Variants in SLC38A12 observed in about 807,000 individuals in gnomAD.
SLC38A12 encodes the protein putative sodium-coupled neutral amino acid transporter 12.
the SLC38A12 span, among the ~76,000 whole-genome samples, chr17:74,814,914 A>G: frequency 6.6e-6 from 1 of 152,232 alleles, no homozygotes; most frequent in Non-Finnish European, 1.5e-5. Context: ...GTCAGGTGGT[A>G]TCAACTGTGT....
the SLC38A12 span, among the ~76,000 whole-genome samples, chr17:74,800,045 C>T: frequency 1.6e-4 from 24 of 152,324 alleles, no homozygotes; most frequent in East Asian, 4.3e-3. Flanking sequence ...GACTGAGAGA[C>T]GGGGGCTTCC....
chr17:74,799,265 C>G, the SLC38A12 span, among the ~76,000 whole-genome samples: 26 of 152,256 alleles, frequency 1.7e-4, no homozygotes, highest in African/African-American at 5.5e-4. Context: ...ACAGATGCTG[C>G]TGGGTCGCAG....
chr17:74,795,671 G>A, the SLC38A12 span: 12 of 1,525,442 alleles, frequency 7.9e-6, no homozygotes, highest in African/African-American at 1.5e-4. Context: ...CCCCAGCCCA[G>A]CCTGCACAGC....
chr17:74,813,869 A>G, the SLC38A12 span, among the ~76,000 whole-genome samples: 8 of 152,126 alleles, frequency 5.3e-5, no homozygotes, highest in African/African-American at 1.9e-4. Context: ...GGGAACTGAG[A>G]TGGAACTATG....
chr17:74,792,041 G>T, the SLC38A12 span, among the ~76,000 whole-genome samples: 1 of 152,130 alleles, frequency 6.6e-6, no homozygotes, highest in East Asian at 1.9e-4. Context: ...AGCTACTCGG[G>T]AGGCTGAGGC....
the SLC38A12 span, chr17:74,795,727 C>T: frequency 1.0e-6 from 1 of 960,352 alleles, no homozygotes; most frequent in Non-Finnish European, 1.6e-6. Flanking sequence ...ATCCTTTCCC[C>T]AGAGAGGAGG....
the SLC38A12 span, among the ~76,000 whole-genome samples, chr17:74,789,508 C>T: frequency 7.6e-6 from 1 of 131,358 alleles, no homozygotes; most frequent in South Asian, 2.4e-4. Context: ...CCATCCTGGG[C>T]AACAGACTGA....
At chr17:74,780,778 T>C in the SLC38A12 span, among the ~76,000 whole-genome samples, 2 of 152,182 alleles carry the variant, frequency 1.3e-5, no homozygotes, top group Non-Finnish European at 2.9e-5. Flanking sequence ...GAGCCCCCAC[T>C]AAACACACAG....
chr17:74,794,963 T>C, the SLC38A12 span: 5 of 1,451,122 alleles, frequency 3.4e-6, no homozygotes, highest in Admixed American at 3.8e-5. Context: ...AAAAAAAACA[T>C]GCAGACATCT....
chr17:74,804,083 C>G, the SLC38A12 span, among the ~76,000 whole-genome samples: 1 of 152,220 alleles, frequency 6.6e-6, no homozygotes, highest in Non-Finnish European at 1.5e-5. Flanking sequence ...CTGGCTGCTC[C>G]TTTTATCCTG....
the SLC38A12 span, chr17:74,837,352 A>C: frequency 1.0e-6 from 1 of 985,510 alleles, no homozygotes; most frequent in Non-Finnish European, 1.2e-6. Context: ...CCGGAGTAGC[A>C]GGCTGGATGG....
At chr17:74,837,028 C>T in the SLC38A12 span, 2 of 1,093,686 alleles carry the variant, frequency 1.8e-6, no homozygotes, top group South Asian at 3.6e-5. Flanking sequence ...ACTCCCTGCA[C>T]AATGGGAGAT....
chr17:74,826,575 G>A, the SLC38A12 span, among the ~76,000 whole-genome samples: 1 of 152,188 alleles, frequency 6.6e-6, no homozygotes, highest in African/African-American at 2.4e-5. Flanking sequence ...TATGCTGGAT[G>A]CCCTACAGGT....
chr17:74,794,596 C>T, the SLC38A12 span, among the ~76,000 whole-genome samples: 1 of 152,162 alleles, frequency 6.6e-6, no homozygotes, highest in Admixed American at 6.5e-5. Flanking sequence ...GTAGCAATCT[C>T]TTGTCTTAGA....
the SLC38A12 span, among the ~76,000 whole-genome samples, chr17:74,816,548 T>G: frequency 6.6e-6 from 1 of 152,240 alleles, no homozygotes; most frequent in Non-Finnish European, 1.5e-5. Flanking sequence ...CCTGGTGTTA[T>G]CTAAACTCAC....
the SLC38A12 span, among the ~76,000 whole-genome samples, chr17:74,829,422 C>G: frequency 6.6e-6 from 1 of 152,196 alleles, no homozygotes; most frequent in African/African-American, 2.4e-5. This position sits in a 1 kb window ranked among gnomAD's most constrained non-coding sequence, Gnocchi z 4.1. Flanking sequence ...GTGTTTTACA[C>G]CTGAGCACAC....
the SLC38A12 span, among the ~76,000 whole-genome samples, chr17:74,783,467 G>A: frequency 6.6e-6 from 1 of 152,162 alleles, no homozygotes; most frequent in African/African-American, 2.4e-5. Context: ...ATTGGAATGG[G>A]CCCTGAAGGC....
chr17:74,834,126 C>T, the SLC38A12 span, among the ~76,000 whole-genome samples: 1 of 152,154 alleles, frequency 6.6e-6, no homozygotes, highest in African/African-American at 2.4e-5. Context: ...CCCCTCTACC[C>T]ACCCGCAGAA....
At chr17:74,837,961 C>T in the SLC38A12 span, 108 of 985,624 alleles carry the variant, frequency 1.1e-4, no homozygotes, top group Non-Finnish European at 1.3e-4. Flanking sequence ...CAGGCCCCAC[C>T]CCTCCCTCTT....
Sources: allele counts gnomAD v4.1 joint callset (sites outside exome capture counted in the v4.1 genomes callset), GRCh38; gene constraint gnomAD v4.1.1; non-coding constraint Gnocchi (gnomAD v3.1); transcripts MANE v1.5; gene names NCBI Gene and HGNC (gene_info 2026-07-23, HGNC 2026-07-21).